Variants in EPHA6 observed in about 807,000 individuals in gnomAD.
EPHA6 encodes ephrin type-A receptor 6.
A neutral mutation model predicts 112.0 loss-of-function variants in EPHA6; 50 were observed. The observed-to-expected ratio is 0.45, with a 90% confidence interval of 0.36 to 0.56. The LOEUF (loss-of-function observed/expected upper bound fraction) is 0.56, where lower values mean the gene tolerates loss of function less well. Among genes scored for constraint, EPHA6 ranks in the 20% least tolerant of loss-of-function variants. EPHA6 has a pLI of 0.00. For missense variants in EPHA6, 1,280 were observed against 1,417.4 expected, an observed-to-expected ratio of 0.90 and a Z score of 1.56; for synonymous variants, 529 against 490.7, an observed-to-expected ratio of 1.08 and a Z score of -1.03.
At chr3:97,192,528 T>A (rs959993810) in intron 3 of EPHA6, among the ~76,000 whole-genome samples, 1 of 152,184 alleles carries the variant, frequency 6.6e-6, no homozygotes, top group African/African-American at 2.4e-5. Context: ...TGGTTATTAA[T>A]CCTTTATCAA....
rs561056975 is a variant in EPHA6 at position 97,341,287 on chromosome 3, A to G, written c.1607-63863A>G. 2.0e-5 allele frequency among the ~76,000 whole-genome samples: 3 copies of G among 152,288 alleles called. No individual in the cohort carries two copies. In the East Asian group the frequency reaches 5.8e-4, roughly 29 times the overall value. On this transcript the variant is annotated intron_variant, in intron 5 of 17. Transcript: ENST00000389672. ...AAAGGGAAAGAAGGGGCTAAAAAAA[A>G]GCAAATTAGAAGAGCTGACTCAACA...
intron 10 of EPHA6, among the ~76,000 whole-genome samples, chr3:97,515,928 T>C (rs1326771063): frequency 2.6e-5 from 4 of 151,346 alleles, no homozygotes; most frequent in Non-Finnish European, 4.4e-5. Flanking sequence ...TTAACCACTG[T>C]ATGATAAGAA....
chr3:97,262,634 C>T (rs2079542102), intron 5 of EPHA6, among the ~76,000 whole-genome samples: 1 of 152,098 alleles, frequency 6.6e-6, no homozygotes, highest in Non-Finnish European at 1.5e-5. Context: ...TGCTCAAAGT[C>T]GTGCTTTGCA....
chr3:97,328,890 T>C (rs1226327736), intron 5 of EPHA6, among the ~76,000 whole-genome samples: 2 of 152,142 alleles, frequency 1.3e-5, no homozygotes, highest in Non-Finnish European at 2.9e-5. Context: ...TATGTATGCA[T>C]GTGCCATATT....
At chr3:97,103,879 T>C (rs536510783) in intron 3 of EPHA6, among the ~76,000 whole-genome samples, 1 of 152,102 alleles carries the variant, frequency 6.6e-6, no homozygotes, top group African/African-American at 2.4e-5. Flanking sequence ...GTTAGCTGTA[T>C]GCCTAGGTAT....
intron 2 of EPHA6, among the ~76,000 whole-genome samples, chr3:96,975,004 G>T (rs1345426836): frequency 6.6e-6 from 1 of 152,142 alleles, no homozygotes; most frequent in African/African-American, 2.4e-5. Context: ...TGGTCAGGTG[G>T]TAGAAGACAG....
At chr3:97,304,185 C>A (rs2081214314) in intron 5 of EPHA6, among the ~76,000 whole-genome samples, 6 of 151,998 alleles carry the variant, frequency 3.9e-5, no homozygotes. Context: ...ATGTCATCTG[C>A]AAACAGAGAC....
Position 97,761,298 on chromosome 3 carries a change from GTTGT to G in EPHA6, c.*12602_*12605del, listed in dbSNP as rs912531929. ...GAATGCTCAGCTCTCAATATGAGGG[GTTGT>G]TTGTGGTGAATTGCATAACATATGT... On this transcript the variant is annotated 3_prime_UTR_variant, in exon 18 of 18. Transcript: ENST00000389672. The G allele has an allele frequency of 2.1e-5, 4 of 194,870 alleles. No homozygotes were observed. Among genetic ancestry groups the G allele is most frequent in the African/African-American group, 4.6e-5 (2 of 43,162 alleles). The allele number at this position is 194,870 out of a possible 1,614,324, so 12.1% of individuals were successfully genotyped here. A position where few individuals can be genotyped will look rare whatever the true frequency, so the allele number is the denominator to read the frequency against.
intron 2 of EPHA6, among the ~76,000 whole-genome samples, chr3:96,938,502 T>G (rs1291301989): frequency 2.0e-5 from 3 of 152,192 alleles, no homozygotes; most frequent in Admixed American, 6.5e-5. Context: ...CTTAAGGAGA[T>G]TTTGTGCTGA....
At chr3:96,979,600 T>G (rs1465918643) in intron 2 of EPHA6, among the ~76,000 whole-genome samples, 11 of 152,228 alleles carry the variant, frequency 7.2e-5, no homozygotes, top group East Asian at 3.9e-4. Context: ...GGTATTTCTA[T>G]TTCTAGATCC....
At chr3:97,421,710 C>G (rs941741901) in intron 6 of EPHA6, among the ~76,000 whole-genome samples, 1 of 152,024 alleles carries the variant, frequency 6.6e-6, no homozygotes, top group African/African-American at 2.4e-5. Flanking sequence ...AAGTTACATG[C>G]CTTGGCAGAT....
chr3:96,931,255 C>G (rs555564666), intron 2 of EPHA6, among the ~76,000 whole-genome samples: 1 of 151,758 alleles, frequency 6.6e-6, no homozygotes, highest in Non-Finnish European at 1.5e-5. Flanking sequence ...AGGTCCCACC[C>G]AGTGAGGAGG....
intron 2 of EPHA6, among the ~76,000 whole-genome samples, chr3:96,945,535 T>TA (rs2041208670): frequency 6.6e-6 from 1 of 152,232 alleles, no homozygotes; most frequent in South Asian, 2.1e-4. Flanking sequence ...AGACCTGTGT[T>TA]ACTTTGGTCA....
intron 3 of EPHA6, among the ~76,000 whole-genome samples, chr3:97,040,385 C>A (rs1427636948): frequency 3.9e-5 from 6 of 151,914 alleles, no homozygotes; most frequent in Admixed American, 3.9e-4. Context: ...TGTTTCATAA[C>A]ATAAAACAAC....
At chr3:97,487,413 CTGAACAA>C (rs1040517137) in intron 10 of EPHA6, among the ~76,000 whole-genome samples, 43 of 152,210 alleles carry the variant, frequency 2.8e-4, no homozygotes, top group Non-Finnish European at 5.1e-4. Context: ...ACCACATTCA[CTGAACAA>C]TGTTTGTTAG....
At chr3:97,333,232 G>A (rs2082885549) in intron 5 of EPHA6, among the ~76,000 whole-genome samples, 1 of 152,002 alleles carries the variant, frequency 6.6e-6, no homozygotes, top group East Asian at 1.9e-4. Flanking sequence ...GCAATTATAT[G>A]TGGTACTGAG....
chr3:96,846,205 G>T (rs1327367741), intron 1 of EPHA6, among the ~76,000 whole-genome samples: 1 of 151,996 alleles, frequency 6.6e-6, no homozygotes, highest in Non-Finnish European at 1.5e-5. Context: ...TATTTTGATT[G>T]TGAGTAGCCA....
intron 2 of EPHA6, among the ~76,000 whole-genome samples, chr3:96,878,124 G>T (rs899256166): frequency 4.0e-5 from 6 of 151,712 alleles, no homozygotes; most frequent in African/African-American, 1.5e-4. Context: ...GTGAAAATAA[G>T]AAATTCTCAT....
At chr3:97,607,778 A>C (rs557992228) in intron 12 of EPHA6, among the ~76,000 whole-genome samples, 1 of 151,270 alleles carries the variant, frequency 6.6e-6, no homozygotes, top group South Asian at 2.1e-4. Flanking sequence ...AAAAGAAATA[A>C]GGTGTAACAT....
Sources: allele counts gnomAD v4.1 joint callset (sites outside exome capture counted in the v4.1 genomes callset), GRCh38; gene constraint gnomAD v4.1.1; transcripts MANE v1.5; gene names NCBI Gene and HGNC (gene_info 2026-07-23, HGNC 2026-07-21).